The following LINGO2 variants were observed in gnomAD, a reference collection of about 807,000 sequenced individuals.
LINGO2 encodes leucine rich repeat and Ig domain containing 2, also known as leucine-rich repeat and immunoglobulin-like domain-containing nogo receptor-interacting protein 2.
Under a neutral mutation model 30.6 loss-of-function variants are expected in LINGO2, and 14 were observed. The observed-to-expected ratio is 0.46, with a 90% confidence interval of 0.30 to 0.72. The LOEUF is 0.72. LINGO2 is among the 30% of genes least tolerant of loss of function. The pLI, the probability that LINGO2 is intolerant of heterozygous loss-of-function variation, is 0.07. For missense variants in LINGO2, 729 were observed against 751.7 expected (o/e 0.97, Z 0.35); for synonymous variants, 317 against 288.5 (o/e 1.10, Z -1.00).
intron 1 of LINGO2, among the ~76,000 whole-genome samples, chr9:28,621,638 T>A (rs979035320): frequency 1.3e-5 from 2 of 152,054 alleles, no homozygotes; most frequent in African/African-American, 4.8e-5. Context: ...GTCTTTTAAC[T>A]CAGCAAGTTT....
At chr9:28,930,579 C>G in the LINGO2 span, among the ~76,000 whole-genome samples, 20 of 152,142 alleles carry the variant, frequency 1.3e-4, no homozygotes, top group Admixed American at 1.1e-3. The surrounding 1 kb of genome is among the most constrained non-coding windows in gnomAD (Gnocchi z 4.2). Flanking sequence ...CCGACCAGTT[C>G]TTCCCCTAAG....
At chr9:28,611,342 T>C (rs1825906050) in intron 1 of LINGO2, among the ~76,000 whole-genome samples, 1 of 150,018 alleles carries the variant, frequency 6.7e-6, no homozygotes, top group Admixed American at 6.6e-5. Context: ...TCTCACAATG[T>C]TAACATTTGT....
chr9:28,829,053 T>C, the LINGO2 span, among the ~76,000 whole-genome samples: 2 of 151,964 alleles, frequency 1.3e-5, no homozygotes, highest in South Asian at 4.2e-4. Context: ...CCACTCCCCA[T>C]CCTGCAGCCA....
chr9:28,647,089 C>T (rs1371432718), intron 1 of LINGO2, among the ~76,000 whole-genome samples: 1 of 152,080 alleles, frequency 6.6e-6, no homozygotes, highest in Non-Finnish European at 1.5e-5. Flanking sequence ...TTGAAACAGC[C>T]TTTGCCACTG....
chr9:28,134,096 A>G lies in LINGO2; in HGVS notation c.-86-121691T>C, dbSNP rs570937495. 2.0e-5 allele frequency among the ~76,000 whole-genome samples: 3 copies of G among 152,272 alleles called. No individual in the cohort carries two copies. The East Asian group carries it at 5.8e-4, about 29-fold the overall frequency. On this transcript the variant is annotated intron_variant, in intron 4 of 5. Coordinates refer to ENST00000379992, the Ensembl canonical transcript of LINGO2. ...AATTTCTATCCACTCTACCTTTGAA[A>G]TATATCTCAAATACATTGACTTATC... is the stretch of plus-strand genomic sequence containing the variant.
the LINGO2 span, among the ~76,000 whole-genome samples, chr9:29,085,300 A>T: frequency 6.9e-6 from 1 of 145,866 alleles, no homozygotes; most frequent in African/African-American, 2.6e-5. Context: ...AAAAAAAAAA[A>T]AAAAAAAAAA....
the LINGO2 span, among the ~76,000 whole-genome samples, chr9:28,924,308 A>C: frequency 1.3e-5 from 2 of 151,554 alleles, no homozygotes; most frequent in Non-Finnish European, 2.9e-5. Context: ...GTTCAATCTC[A>C]CTCCCAGGTT....
the LINGO2 span, among the ~76,000 whole-genome samples, chr9:29,159,580 G>C: frequency 6.6e-6 from 1 of 152,108 alleles, no homozygotes; most frequent in South Asian, 2.1e-4. Context: ...TTGTGGGCCA[G>C]GTGCGGTGGC....
the LINGO2 span, among the ~76,000 whole-genome samples, chr9:28,768,829 A>G: frequency 6.6e-6 from 1 of 152,160 alleles, no homozygotes; most frequent in African/African-American, 2.4e-5. Flanking sequence ...ATAAGCACAC[A>G]GTATGACAGA....
chr9:28,387,709 A>G (rs548063362), intron 2 of LINGO2, among the ~76,000 whole-genome samples: 4 of 152,310 alleles, frequency 2.6e-5, no homozygotes, highest in African/African-American at 9.6e-5. Context: ...GAAGGTTTGC[A>G]GCTTCACTCC....
intron 1 of LINGO2, among the ~76,000 whole-genome samples, chr9:28,626,411 C>A (rs1024653956): frequency 3.3e-5 from 5 of 151,980 alleles, no homozygotes; most frequent in Admixed American, 6.6e-5. Flanking sequence ...TAATAAAGTC[C>A]AATGTGTCAA....
chr9:29,151,226 C>A, the LINGO2 span, among the ~76,000 whole-genome samples: 2 of 152,062 alleles, frequency 1.3e-5, no homozygotes, highest in Non-Finnish European at 2.9e-5. Flanking sequence ...GAATTTGCTA[C>A]CACTAGATTG....
the LINGO2 span, among the ~76,000 whole-genome samples, chr9:28,700,333 T>G: frequency 3.4e-4 from 52 of 152,170 alleles, no homozygotes; most frequent in African/African-American, 1.2e-3. Context: ...ACCACCAATA[T>G]TTTTACTTTT....
chr9:28,709,824 C>G, the LINGO2 span, among the ~76,000 whole-genome samples: 1 of 151,766 alleles, frequency 6.6e-6, no homozygotes, highest in Non-Finnish European at 1.5e-5. Context: ...ATTGATAATT[C>G]AGGGCTATTT....
intron 3 of LINGO2, among the ~76,000 whole-genome samples, chr9:28,344,814 A>G (rs1233038275): frequency 1.3e-5 from 2 of 152,158 alleles, no homozygotes; most frequent in East Asian, 3.8e-4. Context: ...CATTTAGCTT[A>G]GCTAACTCCG....
the LINGO2 span, among the ~76,000 whole-genome samples, chr9:29,104,986 G>A: frequency 2.8e-4 from 43 of 152,240 alleles, no homozygotes; most frequent in African/African-American, 8.7e-4. Flanking sequence ...ACTCTGGAAC[G>A]CAATGGGTTC....
the LINGO2 span, among the ~76,000 whole-genome samples, chr9:29,043,364 C>A: frequency 6.6e-6 from 1 of 151,910 alleles, no homozygotes; most frequent in Non-Finnish European, 1.5e-5. Context: ...ATATCTTCTA[C>A]AAAGCTTGAA....
At chr9:29,055,566 T>A in the LINGO2 span, among the ~76,000 whole-genome samples, 1 of 152,296 alleles carries the variant, frequency 6.6e-6, no homozygotes, top group Non-Finnish European at 1.5e-5. Flanking sequence ...TTGTTAACTT[T>A]AATTTTTTAT....
rs1827861173 is a variant in LINGO2, at chr9:28,147,878, A to G, written c.-86-135473T>C. ...CTGTCACCAGCCCCATAGTGATGTC[A>G]TAAACTCCCAGATGCCCAGTGTGCA... On this transcript the variant is annotated intron_variant, in intron 4 of 5. Coordinates refer to ENST00000379992, the Ensembl canonical transcript of LINGO2. The surrounding 1 kb of genome is among the most constrained non-coding windows in gnomAD (Gnocchi z 4.7). Among the ~76,000 whole-genome samples the G allele has an allele frequency of 6.6e-6, 1 of 152,154 alleles. No individual in the cohort carries two copies. Among genetic ancestry groups the G allele is most frequent in the South Asian group, 2.1e-4 (1 of 4,830 alleles).
Sources: allele counts gnomAD v4.1 joint callset (sites outside exome capture counted in the v4.1 genomes callset), GRCh38; gene constraint gnomAD v4.1.1; non-coding constraint Gnocchi (gnomAD v3.1); transcripts MANE v1.5; gene names NCBI Gene and HGNC (gene_info 2026-07-23, HGNC 2026-07-21).